The following BTK variants were observed in gnomAD, a reference collection of about 807,000 sequenced individuals.
The protein encoded by BTK is tyrosine-protein kinase BTK.
Under a neutral mutation model 57.4 loss-of-function variants are expected in BTK, and 5 were observed. The observed-to-expected ratio is 0.09, with a 90% CI of 0.05 to 0.18. The LOEUF (loss-of-function observed/expected upper bound fraction) is 0.18, where lower values mean the gene tolerates loss of function less well. BTK is among the 10% of genes least tolerant of loss of function. The pLI, the probability that BTK is intolerant of heterozygous loss-of-function variation, is 1.00. For missense variants in BTK, 194 were observed against 501.2 expected (o/e 0.39, Z 5.85); for synonymous variants, 154 against 174.3 (o/e 0.88, Z 0.92).
chrX:101,371,770 A>G (rs1489500767), intron 3 of BTK, 69 bp from the exon 4 acceptor site: 1 of 933,363 alleles, frequency 1.1e-6, no homozygotes, highest in African/African-American at 1.9e-5. Flanking sequence ...CTTAGGTACT[A>G]GAAGCCTTTT....
At chrX:101,356,728 G>A in intron 14 of BTK, 56 bp downstream of exon 14, 1 of 1,188,895 alleles carries the variant, frequency 8.4e-7, no homozygotes, top group Non-Finnish European at 1.1e-6. Context: ...GGGTTGTTGT[G>A]TGAATTCCTA....
At chrX:101,363,038 T>C (rs1926722997) in intron 5 of BTK, among the ~76,000 whole-genome samples, 1 of 112,445 alleles carries the variant, frequency 8.9e-6, no homozygotes, top group Non-Finnish European at 1.9e-5. Context: ...GTTTCCCAGA[T>C]AAGGGAAACA....
intron 13 of BTK, 76 bp from the exon 14 acceptor site, chrX:101,357,031 G>T (rs180810039): frequency 9.1e-7 from 1 of 1,096,863 alleles, no homozygotes; most frequent in East Asian, 3.0e-5. Context: ...ATCCCTACTG[G>T]GGTAGAAATA....
rs1926414530 is a variant in BTK at position 101,354,845 on chromosome X, C to T, written c.1567-151G>A. On this transcript the variant is annotated intron_variant, in intron 15 of 18. Coordinates refer to ENST00000308731, the MANE Select transcript of BTK (RefSeq NM_000061.3). ...ACCTAATAGGAATCTGTTGATGCCACCAAGAAATTTTGATTCATTTCCACC... is the reference window on the plus strand; with the variant it reads ...ACCTAATAGGAATCTGTTGATGCCATCAAGAAATTTTGATTCATTTCCACC... 8.7e-6 allele frequency: 5 copies of T among 573,296 alleles called. No individual in the cohort carries two copies. The Admixed American group carries it at 1.1e-4, about 13-fold the overall frequency. 47.2% of individuals were successfully genotyped at this position (573,296 alleles called of 1,213,427 possible).
At chrX:101,363,581 C>T (rs1465323587) in intron 5 of BTK, among the ~76,000 whole-genome samples, 1 of 109,177 alleles carries the variant, frequency 9.2e-6, no homozygotes, top group Non-Finnish European at 1.9e-5. Flanking sequence ...TACAGCGTGC[C>T]TGTAATCCCA....
upstream of BTK, chrX:101,390,405 C>T (rs1372444278): frequency 1.0e-5 from 5 of 500,338 alleles, no homozygotes; most frequent in Non-Finnish European, 1.4e-5. Context: ...TGCTTTAATG[C>T]CAATCATTGT....
rs781821676 is a variant in BTK, at chrX:101,380,350, T to G, written c.-30-5036A>C. On this transcript the variant is annotated intron_variant, in intron 1 of 18. Transcript: ENST00000308731. ...CTCAAACTCCTGGATGCAAGTGATC[T>G]TCTTGTCTCAGCCTTCCAAAGTGTG... 8.9e-5 allele frequency among the ~76,000 whole-genome samples: 10 copies of G among 111,885 alleles called. No individual in the cohort carries two copies. In the South Asian group the frequency reaches 3.4e-3, roughly 38 times the overall value.
intron 18 of BTK, among the ~76,000 whole-genome samples, chrX:101,350,542 G>T (rs1555976878): frequency 9.3e-6 from 1 of 107,220 alleles, no homozygotes. Flanking sequence ...CACCTCCCAG[G>T]TTCAAGCGAT....
upstream of BTK, chrX:101,390,484 C>A (rs1198275777): frequency 3.9e-6 from 2 of 515,520 alleles, no homozygotes; most frequent in South Asian, 4.9e-5. Flanking sequence ...GTACCTCTCC[C>A]CCGGAACAGT....
chrX:101,363,937 T>C (rs1451335478), intron 5 of BTK, among the ~76,000 whole-genome samples: 1 of 95,127 alleles, frequency 1.1e-5, no homozygotes, highest in Non-Finnish European at 2.1e-5. Context: ...ATTATTATTA[T>C]TGGAGATGGG....
upstream of BTK, chrX:101,390,668 A>G (rs1341069711): frequency 2.1e-6 from 1 of 479,052 alleles, no homozygotes; most frequent in African/African-American, 2.3e-5. Context: ...GAGGTGGAGG[A>G]CCCCTTCATT....
Position 101,353,311 on chromosome X carries a change from T to C in BTK, c.1791A>G (p.Pro597=), listed in dbSNP as rs1340458277. The C allele has an allele frequency of 8.3e-7, 1 of 1,211,272 alleles. No individual in the cohort carries two copies. The highest frequency in any genetic ancestry group is 1.1e-6 in the Non-Finnish European group (1 of 895,141). ...MWEIYSLGKM[P]YERFTNSETA... ...TCTCACTGTTAGTAAATCTCTCATA[T>C]GGCATCTTCCCCAGGGAGTAAATTT... Residue 597 remains proline, a synonymous_variant, in exon 18 of 19, where the codon CCA becomes CCG. Transcript: ENST00000308731.
intron 3 of BTK, among the ~76,000 whole-genome samples, chrX:101,373,068 C>T (rs1245405672): frequency 2.8e-5 from 3 of 108,694 alleles, no homozygotes; most frequent in East Asian, 2.9e-4. Flanking sequence ...GGCGACACAG[C>T]GAGACTCCAT....
At chrX:101,360,987 G>A (rs1184007888) in intron 7 of BTK, among the ~76,000 whole-genome samples, 1 of 111,135 alleles carries the variant, frequency 9.0e-6, no homozygotes, top group Non-Finnish European at 1.9e-5. Flanking sequence ...AGGCCAAGGC[G>A]GGCGGATCAG....
chrX:101,361,714 T>G (rs1314629545), intron 7 of BTK, among the ~76,000 whole-genome samples: 6 of 110,577 alleles, frequency 5.4e-5, no homozygotes, highest in Non-Finnish European at 7.6e-5. Context: ...AACAACATGG[T>G]GACACCCCCA....
At chrX:101,384,320 G>A (rs782076340) in intron 1 of BTK, among the ~76,000 whole-genome samples, 34 of 112,290 alleles carry the variant, frequency 3.0e-4, no homozygotes, top group African/African-American at 1.1e-3. Flanking sequence ...ATTCCAGGGT[G>A]GGTGCGGTGG....
intron 1 of BTK, among the ~76,000 whole-genome samples, chrX:101,378,484 G>A (rs1555981358): frequency 1.8e-5 from 2 of 109,261 alleles, no homozygotes; most frequent in African/African-American, 6.7e-5. Context: ...TCCACTCAGG[G>A]TGAAGGGTGG....
intron 6 of BTK, 80 bp from the exon 7 acceptor site, chrX:101,362,320 C>T (rs782318609): frequency 1.1e-5 from 12 of 1,111,412 alleles, no homozygotes; most frequent in South Asian, 5.5e-5. Context: ...GGGACTTTGC[C>T]GTCCATATTG....
At chrX:101,381,053 T>C (rs1418485616) in intron 1 of BTK, among the ~76,000 whole-genome samples, 3 of 105,726 alleles carry the variant, frequency 2.8e-5, no homozygotes, top group African/African-American at 1.0e-4. Context: ...ATATATATGG[T>C]ACACATTCTC....
Sources: gnomAD v4.1 joint callset for allele counts (sites outside exome capture counted in the v4.1 genomes callset) on GRCh38, gnomAD v4.1.1 for gene constraint, MANE v1.5 for transcripts, NCBI Gene and HGNC (gene_info 2026-07-23, HGNC 2026-07-21) for gene names.